The following RFWD3 variants were observed in gnomAD, a reference collection of about 807,000 sequenced individuals.
The protein encoded by RFWD3 is E3 ubiquitin-protein ligase RFWD3.
Under a neutral mutation model 87.7 loss-of-function variants are expected in RFWD3, and 65 were observed. That is an observed-to-expected ratio of 0.74 (90% CI 0.61 to 0.91). The LOEUF is 0.91. Among genes scored for constraint, RFWD3 ranks in the 40% least tolerant of loss-of-function variants. RFWD3 has a pLI of 0.00. For missense variants in RFWD3, 1,078 were observed against 938.5 expected (o/e 1.15, Z -1.94); for synonymous variants, 433 against 352.8 (o/e 1.23, Z -2.55).
chr16:74,641,928 CAAAAAAAAAAA>C (rs71158533), intron 6 of RFWD3, among the ~76,000 whole-genome samples: 4 of 52,474 alleles, frequency 7.6e-5, no homozygotes, highest in African/African-American at 2.4e-4. Flanking sequence ...ACTCCGTCTC[CAAAAAAAAAAA>C]AAAAAAAAAA....
At chr16:74,664,063 C>G (rs955238253) in intron 1 of RFWD3, among the ~76,000 whole-genome samples, 3 of 152,166 alleles carry the variant, frequency 2.0e-5, no homozygotes, top group African/African-American at 7.2e-5. Context: ...TGGCACAGTA[C>G]TGAAAATAAG....
intron 6 of RFWD3, 140 bp from the exon 7 acceptor site, chr16:74,638,110 A>G: frequency 3.6e-6 from 2 of 548,894 alleles, no homozygotes; most frequent in Non-Finnish European, 6.6e-6. Context: ...ATATAAAAAG[A>G]GAAAAATCTC....
chr16:74,634,561 A>T (rs959752866), intron 8 of RFWD3, among the ~76,000 whole-genome samples: 7 of 151,734 alleles, frequency 4.6e-5, no homozygotes, highest in Admixed American at 3.3e-4. Flanking sequence ...GTTAAGAAAA[A>T]TTTTTTTTAT....
In RFWD3 at chr16:74,622,617, G is replaced by A. The variant is rs2143981574; in HGVS notation, c.*1311C>T. The stretch of plus-strand genomic sequence containing the variant: ...CAGCTCTTGAATTGACAGGTCAGAA[G>A]TGTTTTATAATAAAAACGATAACAA... On this transcript the variant is annotated 3_prime_UTR_variant, in exon 13 of 13. Transcript: ENST00000361070. 1 of 152,306 alleles carries A rather than the reference G, an allele frequency of 6.6e-6. No individual in the cohort carries two copies. Among genetic ancestry groups the A allele is most frequent in the Admixed American group, 6.5e-5 (1 of 15,290 alleles). 9.4% of individuals were successfully genotyped at this position (152,306 alleles called of 1,614,324 possible).
chr16:74,663,991 TC>T (rs1326452183), intron 1 of RFWD3, among the ~76,000 whole-genome samples: 2 of 152,034 alleles, frequency 1.3e-5, no homozygotes, highest in East Asian at 3.9e-4. Flanking sequence ...AAAGCCCTTC[TC>T]CCCCTATGCA....
rs1959076263 is a variant in RFWD3, at chr16:74,630,969, C to T, written c.1578-12G>A. On this transcript the variant is annotated splice_polypyrimidine_tract_variant and intron_variant, in intron 9 of 12. Transcript: ENST00000361070. ...TATTTGTCTCCAGGCTGTGGAGTTA[C>T]AAAAGACTTTTACAACTGCATTAAG... 3 of 1,592,268 alleles carry T rather than the reference C, an allele frequency of 1.9e-6. No individual in the cohort carries two copies. The highest frequency in any genetic ancestry group is 2.6e-6 in the Non-Finnish European group (3 of 1,173,626).
chr16:74,665,690 T>G (rs1597466664), intron 1 of RFWD3, among the ~76,000 whole-genome samples: 1 of 151,774 alleles, frequency 6.6e-6, no homozygotes, highest in African/African-American at 2.4e-5. Context: ...GGCCCGGGAG[T>G]TCGAGACTGC....
At position 74,661,099 on chromosome 16, in the gene RFWD3, C is replaced by A; in HGVS notation, c.351G>T (p.Leu117Phe). 1 of 1,614,188 alleles carries A rather than the reference C, an allele frequency of 6.2e-7. No individual in the cohort carries two copies. Among genetic ancestry groups the A allele is most frequent in the South Asian group, 1.1e-5 (1 of 91,086 alleles). The change falls in exon 2 of 13, where the codon TTG becomes TTT. Residue 117 changes from leucine to phenylalanine, a missense_variant. Coordinates refer to ENST00000361070, the MANE Select transcript of RFWD3 (RefSeq NM_018124.4). ...DGNHTIPASS[L>F]HSMTNFISGL... is the part of the protein sequence containing the mutation. ...CGCTGATGAAGTTGGTCATTGAATG[C>A]AACGAAGATGCTGGGATGGTGTGAT...
Position 74,661,232 on chromosome 16 carries a change from G to A in RFWD3, c.218C>T (p.Ala73Val). The A allele has an allele frequency of 1.9e-6, 3 of 1,614,206 alleles. No individual in the cohort carries two copies. In the South Asian group the frequency reaches 3.3e-5, roughly 18 times the overall value. Residue 73 changes from alanine to valine, a missense_variant, in exon 2 of 13, where the codon GCT becomes GTT. Physicochemically the swap from Ala to Val is moderately conservative, Grantham distance 64. Coordinates refer to ENST00000361070, the MANE Select transcript of RFWD3 (RefSeq NM_018124.4). The stretch of plus-strand genomic sequence containing the variant: ...TGTCAGGTCAACAGACAGTTGCGGA[G>A]CAGGCTGGAGCAGGGGTGGTGTCGC... ...SQATPPLLQP[A>V]PQLSVDLTEV...
At chr16:74,649,105 ATT>A (rs762261419) in intron 4 of RFWD3, 25 bp downstream of exon 4, 1 of 1,472,472 alleles carries the variant, frequency 6.8e-7, no homozygotes, top group Non-Finnish European at 9.3e-7. Context: ...AAATAAATAG[ATT>A]TTTTTAAAAT....
chr16:74,637,709 A>T lies in RFWD3; in HGVS notation c.1194+147T>A, dbSNP rs960764716. 8.6e-6 allele frequency: 5 copies of T among 580,160 alleles called. No homozygotes were observed. In the African/African-American group the frequency reaches 9.4e-5, roughly 11 times the overall value. 35.9% of individuals were successfully genotyped at this position (580,160 alleles called of 1,614,324 possible). A position where few individuals can be genotyped will look rare whatever the true frequency, so the allele number is the denominator to read the frequency against. ...GTAGTAAGTTTTGAACAGATGCCCT[A>T]ATCAGAAATAAAATAAGGAGTTGGT... On this transcript the variant is annotated intron_variant, in intron 7 of 12. Transcript: ENST00000361070.
rs928996664 is a variant in RFWD3 at position 74,629,155 on chromosome 16, C to A, written c.1755-489G>T. 6.6e-5 allele frequency among the ~76,000 whole-genome samples: 10 copies of A among 152,294 alleles called. 2 individuals carry two copies. On this transcript the variant is annotated intron_variant, in intron 10 of 12. Coordinates refer to ENST00000361070, the MANE Select transcript of RFWD3 (RefSeq NM_018124.4). ...TAAATTTCCTTCTGCAAGCATATGA[C>A]CAGGACTATGCGCCAAGAATTCTCT...
intron 8 of RFWD3, among the ~76,000 whole-genome samples, chr16:74,632,916 C>T (rs1361519367): frequency 6.6e-6 from 1 of 152,166 alleles, no homozygotes; most frequent in Non-Finnish European, 1.5e-5. Context: ...ATCTGCTCGC[C>T]TCAGCCTCCC....
chr16:74,637,533 T>A (rs186719953), intron 7 of RFWD3, among the ~76,000 whole-genome samples: 1 of 152,186 alleles, frequency 6.6e-6, no homozygotes, highest in East Asian at 1.9e-4. Context: ...ATGCTGAGGC[T>A]GAGGCAGGAG....
chr16:74,624,253 G>A (rs1296298791), intron 12 of RFWD3, among the ~76,000 whole-genome samples, 182 bp from the exon 13 acceptor site: 2 of 152,198 alleles, frequency 1.3e-5, no homozygotes, highest in Admixed American at 1.3e-4. Flanking sequence ...TTCAGGTACA[G>A]CCTCACCTAC....
At chr16:74,650,204 G>A (rs1291705636) in intron 3 of RFWD3, among the ~76,000 whole-genome samples, 1 of 152,094 alleles carries the variant, frequency 6.6e-6, no homozygotes, top group Non-Finnish European at 1.5e-5. Context: ...ATATATTTAG[G>A]TCTAGAAAGA....
At chr16:74,646,287 CA>C in intron 4 of RFWD3, among the ~76,000 whole-genome samples, 2 of 152,120 alleles carry the variant, frequency 1.3e-5, no homozygotes, top group African/African-American at 2.4e-5. Flanking sequence ...GAGGTAGAAG[CA>C]TCACCTGAGC....
rs202114346 is a variant in RFWD3 at position 74,644,407 on chromosome 16, C to T, written c.1034G>A (p.Arg345Gln). The change falls in exon 6 of 13, where the codon CGA (arginine) becomes CAA (glutamine). Residue 345 changes from arginine (R) to glutamine (Q), a missense_variant. Physicochemically the swap from Arg to Gln is conservative, Grantham distance 43. Transcript: ENST00000361070. ...ACTAGTGTCCAAAGCTCTCAGGGTT[C>T]GGGCATAAAGGACGACAATGTCACT... is the stretch of plus-strand genomic sequence containing the variant. Reference protein sequence around the residue: ...RHSDIVVLYARTLRALDTSEQ... With the variant: ...RHSDIVVLYAQTLRALDTSEQ... The T allele has an allele frequency of 7.4e-6, 12 of 1,614,180 alleles. No homozygotes were observed. In the East Asian group the frequency reaches 2.2e-4, roughly 30 times the overall value.
chr16:74,624,122 G>A (rs1180393607), intron 12 of RFWD3, 51 bp from the exon 13 acceptor site: 4 of 1,577,824 alleles, frequency 2.5e-6, no homozygotes, highest in Non-Finnish European at 3.4e-6. Context: ...GTACACGAAG[G>A]GACTTCCATT....
Sources: gnomAD v4.1 joint callset for allele counts (sites outside exome capture counted in the v4.1 genomes callset) on GRCh38, gnomAD v4.1.1 for gene constraint, MANE v1.5 for transcripts, NCBI Gene and HGNC (gene_info 2026-07-23, HGNC 2026-07-21) for gene names.